Variants in UBXN11 observed in about 807,000 individuals in gnomAD.
UBXN11 encodes the protein UBX domain protein 11, also known as UBX domain-containing protein 11.
UBXN11 carries 47 observed loss-of-function variants against 62.8 expected under a neutral mutation model. The ratio of observed to expected loss-of-function variants is 0.75; its 90% confidence interval spans 0.59 to 0.95. The LOEUF is 0.95. Among genes scored for constraint, UBXN11 ranks in the 40% least tolerant of loss-of-function variants. UBXN11 has a pLI of 0.00. For synonymous variants in UBXN11, 294 were observed against 267.0 expected, an observed-to-expected ratio of 1.10 and a Z score of -0.99; for missense variants, 638 against 661.7, an observed-to-expected ratio of 0.96 and a Z score of 0.39.
chr1:26,297,383 G>A (rs1305692515), intron 6 of UBXN11, 44 bp downstream of exon 6: 8 of 1,495,306 alleles, frequency 5.4e-6, no homozygotes, highest in Middle Eastern at 1.9e-4. Flanking sequence ...CCCAGGGGAG[G>A]TGCCTGACTG....
chr1:26,301,331 A>C (rs548835986), intron 3 of UBXN11, among the ~76,000 whole-genome samples: 2 of 152,160 alleles, frequency 1.3e-5, no homozygotes, highest in Admixed American at 6.5e-5. Flanking sequence ...TCCCGGGAGA[A>C]AGGCTGTCAC....
chr1:26,300,705 C>CCTGGGG (rs202072779), intron 4 of UBXN11, among the ~76,000 whole-genome samples: 1,888 of 152,276 alleles, frequency 0.012, 39 homozygotes, highest in African/African-American at 0.042. Context: ...CACAGCCTGG[C>CCTGGGG]CTGGGGCTGG....
intron 8 of UBXN11, among the ~76,000 whole-genome samples, chr1:26,289,467 C>T (rs548008152): frequency 1.3e-5 from 2 of 151,964 alleles, no homozygotes; most frequent in Non-Finnish European, 2.9e-5. Context: ...TGCTTGTTTG[C>T]CTTCCAGCCA....
At chr1:26,315,868 C>G (rs763154752) in intron 1 of UBXN11, among the ~76,000 whole-genome samples, 1 of 152,042 alleles carries the variant, frequency 6.6e-6, no homozygotes, top group Admixed American at 6.6e-5. Context: ...CCATGTTGGC[C>G]AGGCTGGTCT....
rs772776802 is a variant in UBXN11, at chr1:26,282,394, CGGGACCGGGACA to C, written c.1456_1467del (p.Cys486_Pro489del). The C allele has an allele frequency of 7.0e-5, 33 of 473,534 alleles. No homozygotes were observed. Among genetic ancestry groups the C allele is most frequent in the Non-Finnish European group, 7.4e-5 (26 of 352,236 alleles). The allele number at this position is 473,534 out of a possible 1,614,324, so 29.3% of individuals were successfully genotyped here. ...CCGGGACCGGGACTGGGGCCGGGAC[CGGGACCGGGACA>C]GGGACCAGGACTGAATTTCAGGCTG... On this transcript the variant is annotated inframe_deletion, in exon 15 of 15. Coordinates refer to ENST00000374222, the MANE Select transcript of UBXN11 (RefSeq NM_001389556.1).
chr1:26,318,159 C>A, exon 1 of UBXN11: 1 of 1,120,608 alleles, frequency 8.9e-7, no homozygotes, highest in Non-Finnish European at 1.4e-6. Context: ...CTCCCAGAGA[C>A]CCAGCCTTCT....
chr1:26,285,326 TC>T (rs2073102373), intron 10 of UBXN11, 137 bp downstream of exon 10: 1 of 1,501,260 alleles, frequency 6.7e-7, no homozygotes, highest in Non-Finnish European at 8.9e-7. Context: ...TTCAGACTTA[TC>T]CTCCTGGAGG....
rs117309299 is a variant in UBXN11, at chr1:26,283,238, G to A, written c.1078-301C>T. ...CCTGGGGTCAGGGAAGGCTTCCCTC[G>A]GAAAATGACAACTGAGCTGTGACTG... is the stretch of plus-strand genomic sequence containing the variant. On this transcript the variant is annotated intron_variant, in intron 12 of 14. Transcript: ENST00000374222. Among the ~76,000 whole-genome samples, 19 of 152,218 alleles carry A rather than the reference G, an allele frequency of 1.2e-4. No individual in the cohort carries two copies. The East Asian group carries it at 2.1e-3, about 17-fold the overall frequency.
chr1:26,285,957 C>T lies in UBXN11; in HGVS notation c.640G>A (p.Gly214Ser). 1 of 1,613,546 alleles carries T rather than the reference C, an allele frequency of 6.2e-7. No individual in the cohort carries two copies. The highest frequency in any genetic ancestry group is 8.5e-7 in the Non-Finnish European group (1 of 1,179,672). The change falls in exon 9 of 15, where the codon GGT (glycine) becomes AGT (serine). Residue 214 changes from glycine to serine, a missense_variant. Transcript: ENST00000374222. Reference sequence around the variant, plus strand: ...GGCACTGGTGTCACTTGGGTGTCACCCTCTACCACCAGCTCACTAAGATCC... The same window carrying T: ...GGCACTGGTGTCACTTGGGTGTCACTCTCTACCACCAGCTCACTAAGATCC... The part of the protein sequence containing the change: ...LQDLSELVVE[G>S]DTQVTPVPGG...
At chr1:26,318,286 GAAACCTGTATCCAC>G in exon 1 of UBXN11, 1 of 561,222 alleles carries the variant, frequency 1.8e-6, no homozygotes, top group African/African-American at 1.9e-5. Context: ...TGCCCTGAGA[GAAACCTGTATCCAC>G]AGCTGGGGAG....
chr1:26,295,633 C>T (rs774383517), intron 7 of UBXN11, among the ~76,000 whole-genome samples: 6 of 151,988 alleles, frequency 3.9e-5, no homozygotes, highest in Non-Finnish European at 7.4e-5. Context: ...GATCCTCTCA[C>T]CCCATTCCCC....
intron 1 of UBXN11, among the ~76,000 whole-genome samples, chr1:26,317,677 G>A (rs184841135): frequency 1.6e-4 from 25 of 152,324 alleles, no homozygotes; most frequent in African/African-American, 4.8e-4. Flanking sequence ...GAGCTGGTCA[G>A]TGATTAAACC....
chr1:26,284,470 G>A lies in UBXN11; in HGVS notation c.865C>T (p.Arg289Cys), dbSNP rs138559558. The A allele has an allele frequency of 5.6e-4, 898 of 1,600,036 alleles. 9 individuals are homozygous for A. In the East Asian group the frequency reaches 0.017, roughly 30 times the overall value. ...NGVPFKVSDL[R>C]NQVYLEDGLD... ...CCATCCTCCAGGTAGACCTGATTGC[G>A]CAAGTCACTCACCTGGCAAGAAAGA... is the stretch of plus-strand genomic sequence containing the variant. The change falls in exon 11 of 15, where the codon CGC becomes TGC. Residue 289 changes from arginine (R) to cysteine (C), a missense_variant. Transcript: ENST00000374222.
At chr1:26,291,283 CG>C (rs1189178894) in intron 8 of UBXN11, among the ~76,000 whole-genome samples, 2 of 152,056 alleles carry the variant, frequency 1.3e-5, no homozygotes, top group South Asian at 2.1e-4. Flanking sequence ...GAGAGAGGAA[CG>C]GGGACGCCGG....
chr1:26,295,324 C>T (rs952632466), intron 7 of UBXN11, among the ~76,000 whole-genome samples: 5 of 152,114 alleles, frequency 3.3e-5, no homozygotes, highest in African/African-American at 9.7e-5. Flanking sequence ...TTCAAGCCAC[C>T]GTCATCTTTC....
At chr1:26,295,469 C>T (rs1057120402) in intron 7 of UBXN11, among the ~76,000 whole-genome samples, 6 of 152,024 alleles carry the variant, frequency 3.9e-5, no homozygotes, top group Non-Finnish European at 8.8e-5. Context: ...CCCATTTTTT[C>T]GGGACAGGAT....
At chr1:26,284,945 ATGCTCCC>A in intron 10 of UBXN11, 1 of 1,001,634 alleles carries the variant, frequency 1.0e-6, no homozygotes, top group Non-Finnish European at 1.2e-6. Flanking sequence ...CTGGTGACAC[ATGCTCCC>A]TCCCGGACAC....
chr1:26,286,813 C>G, intron 8 of UBXN11, among the ~76,000 whole-genome samples: 1 of 149,786 alleles, frequency 6.7e-6, no homozygotes, highest in East Asian at 2.0e-4. Context: ...ATTCTCCTAT[C>G]TCAGCCTCCT....
intron 8 of UBXN11, among the ~76,000 whole-genome samples, chr1:26,290,319 T>C (rs867461363): frequency 5.9e-5 from 9 of 152,180 alleles, no homozygotes; most frequent in Middle Eastern, 6.8e-3. Flanking sequence ...GAGGAGGAAA[T>C]GAACTCAGAG....
Sources: gnomAD v4.1 joint callset for allele counts (sites outside exome capture counted in the v4.1 genomes callset) on GRCh38, gnomAD v4.1.1 for gene constraint, MANE v1.5 for transcripts, NCBI Gene and HGNC (gene_info 2026-07-23, HGNC 2026-07-21) for gene names.